Variants in ZBBX observed in about 807,000 individuals in gnomAD.
The protein encoded by ZBBX is zinc finger B-box domain-containing protein 1.
A neutral mutation model predicts 108.5 loss-of-function variants in ZBBX; 101 were observed. The ratio of observed to expected loss-of-function variants is 0.93; its 90% confidence interval spans 0.79 to 1.10. ZBBX has a LOEUF of 1.10. ZBBX is among the 50% of genes least tolerant of loss of function. The probability of loss-of-function intolerance (pLI) is 0.00; values close to 1 mark genes in which losing one functional copy is unlikely to be tolerated. For synonymous variants in ZBBX, 356 were observed against 323.4 expected (o/e 1.10, Z -1.08); for missense variants, 1,009 against 941.4 (o/e 1.07, Z -0.94).
chr3:167,232,870 C>A, the ZBBX span, among the ~76,000 whole-genome samples: 2 of 151,748 alleles, frequency 1.3e-5, no homozygotes, highest in Middle Eastern at 3.2e-3. Flanking sequence ...GGTGAGAACA[C>A]CTCCCTGTTG....
the ZBBX span, among the ~76,000 whole-genome samples, chr3:167,208,018 T>C: frequency 1.3e-5 from 2 of 151,914 alleles, no homozygotes; most frequent in Admixed American, 1.3e-4. Flanking sequence ...GAGAGTACAG[T>C]GATTGTGATA....
intron 9 of ZBBX, among the ~76,000 whole-genome samples, chr3:167,335,234 C>T (rs1430780990): frequency 1.3e-5 from 2 of 151,930 alleles, no homozygotes; most frequent in Non-Finnish European, 2.9e-5. Context: ...GGAAAAATAG[C>T]ATACGGTAAA....
intron 9 of ZBBX, among the ~76,000 whole-genome samples, chr3:167,342,530 C>A (rs984705398): frequency 1.3e-5 from 2 of 151,656 alleles, no homozygotes; most frequent in African/African-American, 2.4e-5. Context: ...AACACCCCTA[C>A]ATGCATCCAT....
chr3:167,232,956 T>C, the ZBBX span, among the ~76,000 whole-genome samples: 1 of 151,744 alleles, frequency 6.6e-6, no homozygotes, highest in Non-Finnish European at 1.5e-5. Context: ...AATTGTCACC[T>C]TTCCCCTTTT....
chr3:167,234,570 T>C, the ZBBX span, among the ~76,000 whole-genome samples: 1 of 151,842 alleles, frequency 6.6e-6, no homozygotes, highest in African/African-American at 2.4e-5. Context: ...TTAAGTATAA[T>C]AGCGTCCCTT....
At chr3:167,335,820 T>C (rs1049001594) in intron 9 of ZBBX, among the ~76,000 whole-genome samples, 2 of 152,012 alleles carry the variant, frequency 1.3e-5, no homozygotes, top group East Asian at 1.9e-4. Flanking sequence ...TGCATATATA[T>C]TGCTGTCTGT....
chr3:167,278,903 T>C (rs1438696921), intron 20 of ZBBX, among the ~76,000 whole-genome samples: 2 of 152,078 alleles, frequency 1.3e-5, no homozygotes, highest in African/African-American at 2.4e-5. Flanking sequence ...TTATCCACCA[T>C]GATCAAGTGG....
rs780623085 is a variant in ZBBX at position 167,282,299 on chromosome 3, A to G, written c.2193T>C (p.Thr731=). 11 of 1,613,870 alleles carry G rather than the reference A, an allele frequency of 6.8e-6. No homozygotes were observed. The highest frequency in any genetic ancestry group is 9.3e-6 in the Non-Finnish European group (11 of 1,179,888). ...TDQNELSLDD[T]TDQHTLDNLE... ...AATTGTCTAAAGTATGTTGATCAGT[A>G]GTGTCATCTAAGGAAAGCTCATTCT... The change falls in exon 20 of 22, where the codon ACT becomes ACC. Residue 731 remains threonine, a synonymous_variant. Transcript: ENST00000675490.
chr3:167,295,907 G>A (rs574792852), intron 18 of ZBBX, among the ~76,000 whole-genome samples: 2 of 150,602 alleles, frequency 1.3e-5, no homozygotes, highest in African/African-American at 4.9e-5. Context: ...TGAAGAGGAG[G>A]GACATCAACT....
At chr3:167,400,489 C>T (rs957338635) in intron 1 of ZBBX, among the ~76,000 whole-genome samples, 1 of 151,986 alleles carries the variant, frequency 6.6e-6, no homozygotes, top group Non-Finnish European at 1.5e-5. Flanking sequence ...TGCTGGTTGG[C>T]CACTTGTATG....
intron 20 of ZBBX, among the ~76,000 whole-genome samples, chr3:167,260,661 C>T (rs1312926269): frequency 6.6e-6 from 1 of 152,080 alleles, no homozygotes; most frequent in Non-Finnish European, 1.5e-5. Context: ...AAAGTGTGTC[C>T]AAAGTTTTCT....
chr3:167,213,426 C>A, the ZBBX span, among the ~76,000 whole-genome samples: 1 of 152,034 alleles, frequency 6.6e-6, no homozygotes, highest in South Asian at 2.1e-4. Context: ...CAGAATAAAC[C>A]AAGCTGAGGA....
At chr3:167,318,541 C>A (rs1179208160) in intron 12 of ZBBX, among the ~76,000 whole-genome samples, 2 of 151,894 alleles carry the variant, frequency 1.3e-5, no homozygotes, top group African/African-American at 4.8e-5. Flanking sequence ...TGTTCTTAAC[C>A]ACGTACTTCC....
At chr3:167,322,303 T>TAAGAG in intron 11 of ZBBX, 66 bp from the exon 12 acceptor site, 1 of 1,318,368 alleles carries the variant, frequency 7.6e-7, no homozygotes, top group Non-Finnish European at 1.0e-6. Context: ...TATCTTCTCT[T>TAAGAG]AAGATGTAGA....
chr3:167,310,804 G>C lies in ZBBX; in HGVS notation c.1417+3170C>G, dbSNP rs1734446920. 2.0e-5 allele frequency among the ~76,000 whole-genome samples: 3 copies of C among 152,156 alleles called. No homozygotes were observed. The South Asian group carries it at 6.2e-4, about 32-fold the overall frequency. On this transcript the variant is annotated intron_variant, in intron 16 of 21. Transcript: ENST00000675490. ...ATAGAAATCTAAAAATTATATACAA[G>C]ATCTATATGAGGAATTCTACAAATT...
intron 20 of ZBBX, among the ~76,000 whole-genome samples, chr3:167,245,494 C>A (rs1447515606): frequency 6.6e-6 from 1 of 152,138 alleles, no homozygotes. Context: ...TCTGCCCACA[C>A]CCTCCCCTTC....
At chr3:167,404,483 G>A (rs1456938907) in intron 1 of ZBBX, among the ~76,000 whole-genome samples, 3 of 151,952 alleles carry the variant, frequency 2.0e-5, no homozygotes, top group African/African-American at 7.3e-5. Context: ...TTTTATTTGG[G>A]TGATGTCAGC....
At chr3:167,207,906 G>A in the ZBBX span, among the ~76,000 whole-genome samples, 2 of 152,108 alleles carry the variant, frequency 1.3e-5, no homozygotes, top group Admixed American at 6.5e-5. Context: ...ACTGAAAGAG[G>A]GACAGAAGTG....
At chr3:167,372,805 T>C (rs1271784135) in intron 4 of ZBBX, 29 bp downstream of exon 4, 7 of 1,164,892 alleles carry the variant, frequency 6.0e-6, no homozygotes, top group Non-Finnish European at 8.7e-6. Flanking sequence ...CAACTATTCC[T>C]ATTAAGAAAT....
Sources: allele counts gnomAD v4.1 joint callset (sites outside exome capture counted in the v4.1 genomes callset), GRCh38; gene constraint gnomAD v4.1.1; transcripts MANE v1.5; gene names NCBI Gene and HGNC (gene_info 2026-07-23, HGNC 2026-07-21).